The following DEPTOR variants were observed in gnomAD, a reference collection of about 807,000 sequenced individuals.
The protein encoded by DEPTOR is DEP domain containing MTOR interacting protein.
In DEPTOR, 41 loss-of-function variants were observed where a neutral mutation model predicts 41.6. That is an observed-to-expected ratio of 0.98 (90% CI 0.77 to 1.28). The LOEUF (loss-of-function observed/expected upper bound fraction) is 1.28. Among genes scored for constraint, DEPTOR ranks in the 50% most tolerant of loss-of-function variants. DEPTOR has a pLI of 0.00. For missense variants in DEPTOR, 514 were observed against 527.9 expected (o/e 0.97, Z 0.26); for synonymous variants, 195 against 192.3 (o/e 1.01, Z -0.12).
chr8:119,878,104 T>C (rs748968324), intron 1 of DEPTOR, among the ~76,000 whole-genome samples: 17 of 152,108 alleles, frequency 1.1e-4, no homozygotes, highest in Admixed American at 1.3e-4. Context: ...TTTAAATTTA[T>C]TTTTCTTGAA....
chr8:119,972,768 A>G (rs1828650198), intron 4 of DEPTOR, among the ~76,000 whole-genome samples: 1 of 152,202 alleles, frequency 6.6e-6, no homozygotes, highest in Non-Finnish European at 1.5e-5. Context: ...AGGCCCCACT[A>G]GAAAAAAATT....
intron 8 of DEPTOR, among the ~76,000 whole-genome samples, chr8:120,009,386 A>C (rs573930627): frequency 6.6e-6 from 1 of 151,968 alleles, no homozygotes; most frequent in Non-Finnish European, 1.5e-5. Context: ...GCCAAGGCAG[A>C]CATATCACTT....
At chr8:120,013,321 G>A (rs1489775122) in intron 8 of DEPTOR, among the ~76,000 whole-genome samples, 1 of 152,162 alleles carries the variant, frequency 6.6e-6, no homozygotes, top group East Asian at 1.9e-4. Context: ...CTTCCGTATA[G>A]TTTAGCTGCT....
chr8:120,017,440 T>C (rs1812630105), intron 8 of DEPTOR, among the ~76,000 whole-genome samples: 1 of 152,250 alleles, frequency 6.6e-6, no homozygotes. Flanking sequence ...ACATATTCTA[T>C]TAAACCCTGA....
chr8:119,990,794 G>A (rs1004447492), intron 4 of DEPTOR, among the ~76,000 whole-genome samples: 2 of 152,168 alleles, frequency 1.3e-5, no homozygotes, highest in Non-Finnish European at 2.9e-5. Context: ...TCAGTGCTAA[G>A]GAAGTAATTA....
At chr8:119,975,072 G>A (rs978860336) in intron 4 of DEPTOR, among the ~76,000 whole-genome samples, 6 of 151,842 alleles carry the variant, frequency 4.0e-5, no homozygotes, top group South Asian at 2.1e-4. Flanking sequence ...AGGCCAAGGC[G>A]GGAGGACTGC....
At chr8:120,033,069 G>A (rs931456164) in intron 8 of DEPTOR, among the ~76,000 whole-genome samples, 2 of 145,288 alleles carry the variant, frequency 1.4e-5, no homozygotes, top group Admixed American at 7.3e-5. Flanking sequence ...ACATGCTACT[G>A]GATATGGAAT....
At chr8:119,974,587 C>T (rs941432386) in intron 4 of DEPTOR, among the ~76,000 whole-genome samples, 1 of 152,108 alleles carries the variant, frequency 6.6e-6, no homozygotes, top group African/African-American at 2.4e-5. Context: ...GCCTGGCTGA[C>T]ATGGTGAAAC....
intron 3 of DEPTOR, among the ~76,000 whole-genome samples, chr8:119,935,590 A>T (rs190103730): frequency 2.0e-5 from 3 of 152,094 alleles, no homozygotes; most frequent in South Asian, 2.1e-4. Context: ...GCGTGGTGGC[A>T]TGCACCTGTA....
chr8:119,939,868 G>A lies in DEPTOR; in HGVS notation c.425+9930G>A, dbSNP rs898036105. Among the ~76,000 whole-genome samples, 5 of 151,994 alleles carry A rather than the reference G, an allele frequency of 3.3e-5. No homozygotes were observed. The South Asian group carries it at 8.3e-4, about 25-fold the overall frequency. On this transcript the variant is annotated intron_variant, in intron 3 of 8. Coordinates refer to ENST00000286234, the MANE Select transcript of DEPTOR (RefSeq NM_022783.4). ...ACCCTTGTGCATTGCTGGTGGGAAT[G>A]TAAGATGGTGCAGCAGTTATGACAA... is the stretch of plus-strand genomic sequence containing the variant.
chr8:119,934,933 C>A (rs1325499113), intron 3 of DEPTOR, among the ~76,000 whole-genome samples: 2 of 152,154 alleles, frequency 1.3e-5, no homozygotes, highest in Non-Finnish European at 2.9e-5. Flanking sequence ...GCACACAGGA[C>A]AGGGCCCGCA....
intron 1 of DEPTOR, among the ~76,000 whole-genome samples, chr8:119,905,629 G>T (rs1057447200): frequency 2.2e-4 from 20 of 92,514 alleles, no homozygotes; most frequent in Admixed American, 2.0e-3. Flanking sequence ...GGCTTTATAT[G>T]GGCTTTTTTT....
chr8:119,894,964 G>C (rs1827499633), intron 1 of DEPTOR, among the ~76,000 whole-genome samples: 1 of 152,146 alleles, frequency 6.6e-6, no homozygotes, highest in African/African-American at 2.4e-5. Flanking sequence ...TGTGGCTTTG[G>C]GAATCGAATC....
intron 6 of DEPTOR, among the ~76,000 whole-genome samples, chr8:120,003,571 T>C (rs1399378680): frequency 6.6e-6 from 1 of 152,104 alleles, no homozygotes; most frequent in African/African-American, 2.4e-5. Context: ...TTGGGCAGTA[T>C]GTGACAGTGC....
At position 119,873,850 on chromosome 8, in the gene DEPTOR, G is replaced by C. The variant is rs1374330573; in HGVS notation, c.4G>C (p.Glu2Gln). 6 of 1,613,072 alleles carry C rather than the reference G, an allele frequency of 3.7e-6. No individual in the cohort carries two copies. Among genetic ancestry groups the C allele is most frequent in the Non-Finnish European group, 5.1e-6 (6 of 1,179,612 alleles). Reference protein sequence around the residue: MEEGGSTGSAGS... With the variant: MQEGGSTGSAGS... Reference sequence around the variant, plus strand: ...GTAGCCGCACGGCCCTAAAACCATGGAGGAGGGCGGCAGCACTGGCAGTGC... The same window carrying C: ...GTAGCCGCACGGCCCTAAAACCATGCAGGAGGGCGGCAGCACTGGCAGTGC... The change falls in exon 1 of 9, where the codon GAG (glutamate) becomes CAG (glutamine). Residue 2 changes from glutamate (E) to glutamine (Q), a missense_variant. Coordinates refer to ENST00000286234, the MANE Select transcript of DEPTOR (RefSeq NM_022783.4).
intron 3 of DEPTOR, among the ~76,000 whole-genome samples, chr8:119,950,697 C>G (rs185697270): frequency 1.1e-4 from 17 of 152,232 alleles, no homozygotes; most frequent in Non-Finnish European, 8.8e-5. Context: ...CCCGTTCAAG[C>G]AATTCTCCTG....
intron 8 of DEPTOR, among the ~76,000 whole-genome samples, chr8:120,022,093 G>A (rs933842494): frequency 6.9e-6 from 1 of 145,806 alleles, no homozygotes; most frequent in Non-Finnish European, 1.5e-5. Flanking sequence ...AGTAGTTCAA[G>A]GTTACAGCGA....
intron 1 of DEPTOR, among the ~76,000 whole-genome samples, chr8:119,926,203 G>A (rs1389424374): frequency 1.3e-5 from 2 of 152,020 alleles, no homozygotes; most frequent in Non-Finnish European, 2.9e-5. Context: ...TTTCCTACCT[G>A]GTCCCTGGCA....
chr8:119,905,950 A>T lies in DEPTOR; in HGVS notation c.123-22450A>T, dbSNP rs1827657695. Among the ~76,000 whole-genome samples the T allele has an allele frequency of 2.6e-5, 4 of 152,096 alleles. No homozygotes were observed. The South Asian group carries it at 8.3e-4, about 32-fold the overall frequency. On this transcript the variant is annotated intron_variant, in intron 1 of 8. Coordinates refer to ENST00000286234, the MANE Select transcript of DEPTOR (RefSeq NM_022783.4). ...AAGCCACTGCACTTGGCCAATTTTTAAAATGTTATTTATTTATTTATTTTT... is the reference window on the plus strand; with the variant it reads ...AAGCCACTGCACTTGGCCAATTTTTTAAATGTTATTTATTTATTTATTTTT...
Sources: allele counts gnomAD v4.1 joint callset (sites outside exome capture counted in the v4.1 genomes callset), GRCh38; gene constraint gnomAD v4.1.1; transcripts MANE v1.5; gene names NCBI Gene and HGNC (gene_info 2026-07-23, HGNC 2026-07-21).